CACNA2D3: variants seen among roughly 807,000 people sequenced by gnomAD.
CACNA2D3 encodes the protein voltage-dependent calcium channel subunit alpha-2/delta-3.
A neutral mutation model predicts 160.6 loss-of-function variants in CACNA2D3; 60 were observed. The ratio of observed to expected loss-of-function variants is 0.37; its 90% confidence interval spans 0.30 to 0.46. The LOEUF is 0.46. Ranked by LOEUF, CACNA2D3 falls within the 20% of genes least tolerant of loss-of-function variation. The pLI is 1.00. For synonymous variants in CACNA2D3, 558 were observed against 492.9 expected, an observed-to-expected ratio of 1.13 and a Z score of -1.75; for missense variants, 1,205 against 1,365.0, an observed-to-expected ratio of 0.88 and a Z score of 1.85.
intron 2 of CACNA2D3, among the ~76,000 whole-genome samples, chr3:54,150,938 CGAAT>C (rs2107282595): frequency 7.0e-6 from 1 of 141,966 alleles, no homozygotes; most frequent in Admixed American, 7.0e-5. Flanking sequence ...GGTGGATAGA[CGAAT>C]GAATGGATGT....
At chr3:54,684,035 A>G (rs1451949577) in intron 11 of CACNA2D3, among the ~76,000 whole-genome samples, 2 of 134,448 alleles carry the variant, frequency 1.5e-5, no homozygotes, top group Non-Finnish European at 3.0e-5. Context: ...CACTGGTGCT[A>G]TCTCGGCTCA....
intron 11 of CACNA2D3, among the ~76,000 whole-genome samples, chr3:54,736,066 T>A (rs1701507822): frequency 3.6e-5 from 1 of 27,576 alleles, no homozygotes; most frequent in South Asian, 1.1e-3. Flanking sequence ...TGTATGTATA[T>A]ATATATACAT....
intron 27 of CACNA2D3, among the ~76,000 whole-genome samples, chr3:54,942,738 A>T (rs996797457): frequency 6.6e-6 from 1 of 151,946 alleles, no homozygotes; most frequent in Non-Finnish European, 1.5e-5. Flanking sequence ...AAATAAAAAA[A>T]ATTAGGCCAG....
intron 2 of CACNA2D3, among the ~76,000 whole-genome samples, chr3:54,281,361 C>T (rs989386236): frequency 1.3e-5 from 2 of 152,106 alleles, no homozygotes; most frequent in Non-Finnish European, 2.9e-5. Flanking sequence ...ATCCAGATTG[C>T]CGAAAAACAC....
intron 6 of CACNA2D3, among the ~76,000 whole-genome samples, 180 bp downstream of exon 6, chr3:54,563,111 C>T (rs12186081): frequency 0.063 from 9,639 of 152,112 alleles, 611 homozygotes; most frequent in East Asian, 0.19. Flanking sequence ...CAGATGGGCA[C>T]GCACACACAC....
intron 11 of CACNA2D3, among the ~76,000 whole-genome samples, chr3:54,687,446 G>A (rs1457811370): frequency 2.6e-5 from 4 of 151,568 alleles, no homozygotes; most frequent in Non-Finnish European, 5.9e-5. Context: ...CACCATGCCC[G>A]GGCAAATTTT....
At chr3:54,978,133 C>T (rs1702431431) in intron 29 of CACNA2D3, among the ~76,000 whole-genome samples, 1 of 152,122 alleles carries the variant, frequency 6.6e-6, no homozygotes, top group African/African-American at 2.4e-5. Flanking sequence ...TGTTTATCAG[C>T]AAGATCTTTA....
intron 31 of CACNA2D3, among the ~76,000 whole-genome samples, chr3:54,990,947 T>C (rs13325768): frequency 6.6e-6 from 1 of 152,040 alleles, no homozygotes; most frequent in Non-Finnish European, 1.5e-5. Flanking sequence ...TTGGGCACTT[T>C]AGTTGACTCT....
At chr3:54,157,564 G>T (rs1269928459) in intron 2 of CACNA2D3, among the ~76,000 whole-genome samples, 1 of 152,160 alleles carries the variant, frequency 6.6e-6, no homozygotes, top group African/African-American at 2.4e-5. Context: ...GCCTAGGTGG[G>T]CAGATCCCTG....
chr3:54,785,798 G>A (rs1039229482), intron 13 of CACNA2D3, among the ~76,000 whole-genome samples: 5 of 152,150 alleles, frequency 3.3e-5, no homozygotes, highest in Admixed American at 3.3e-4. Flanking sequence ...CAAACACCAT[G>A]TCACTGGGTT....
At chr3:55,016,001 CA>C (rs1343234733) in intron 34 of CACNA2D3, among the ~76,000 whole-genome samples, 7 of 152,198 alleles carry the variant, frequency 4.6e-5, no homozygotes, top group Non-Finnish European at 7.3e-5. Flanking sequence ...CAGAGGTTCT[CA>C]CATTTTTTGG....
At position 54,939,286 on chromosome 3, in the gene CACNA2D3, T is replaced by C. The variant is rs140376957; in HGVS notation, c.2450-29164T>C. Among the ~76,000 whole-genome samples the C allele has an allele frequency of 4.6e-5, 7 of 152,326 alleles. No individual in the cohort carries two copies. The East Asian group carries it at 9.6e-4, about 21-fold the overall frequency. ...CTTCTACATCTTACTAAAGAGAAAA[T>C]TGAAACTTGATGAGACTGACTCACT... is the stretch of plus-strand genomic sequence containing the variant. On this transcript the variant is annotated intron_variant, in intron 27 of 37. Transcript: ENST00000474759.
intron 27 of CACNA2D3, chr3:54,925,315 A>C (rs1575380227): frequency 1.0e-6 from 1 of 973,212 alleles, no homozygotes; most frequent in East Asian, 2.4e-5. Context: ...CTTTCCAGCC[A>C]GGTGAAACCT....
At chr3:54,885,751 A>C (rs1699910386) in intron 23 of CACNA2D3, among the ~76,000 whole-genome samples, 165 bp downstream of exon 23, 1 of 152,224 alleles carries the variant, frequency 6.6e-6, no homozygotes, top group South Asian at 2.1e-4. Context: ...CAGGAGAAAG[A>C]ATGTGGATTA....
At chr3:54,541,934 G>A (rs1319112910) in intron 5 of CACNA2D3, among the ~76,000 whole-genome samples, 2 of 149,134 alleles carry the variant, frequency 1.3e-5, no homozygotes, top group Non-Finnish European at 3.0e-5. Flanking sequence ...AAGGGTGTGT[G>A]TGGGTTTTTT....
intron 2 of CACNA2D3, among the ~76,000 whole-genome samples, chr3:54,231,486 C>G (rs936473702): frequency 6.6e-6 from 1 of 152,194 alleles, no homozygotes; most frequent in Non-Finnish European, 1.5e-5. Flanking sequence ...GTAAATTCAT[C>G]AGGTACTCTC....
chr3:54,766,008 C>A (rs1702217363), intron 13 of CACNA2D3, among the ~76,000 whole-genome samples: 1 of 152,080 alleles, frequency 6.6e-6, no homozygotes, highest in South Asian at 2.1e-4. Flanking sequence ...GAAACCATTA[C>A]AAGCAGTAGA....
chr3:54,872,439 C>T (rs1301686999), intron 18 of CACNA2D3, among the ~76,000 whole-genome samples: 1 of 152,088 alleles, frequency 6.6e-6, no homozygotes, highest in Non-Finnish European at 1.5e-5. Flanking sequence ...GCCCTACCCT[C>T]CCAGATTCGT....
intron 35 of CACNA2D3, among the ~76,000 whole-genome samples, chr3:55,036,253 C>T (rs1703813745): frequency 6.6e-6 from 1 of 151,938 alleles, no homozygotes; most frequent in Admixed American, 6.6e-5. Context: ...TCGAGACCAG[C>T]CTGGCCAACA....
Sources: gnomAD v4.1 joint callset for allele counts (sites outside exome capture counted in the v4.1 genomes callset) on GRCh38, gnomAD v4.1.1 for gene constraint, MANE v1.5 for transcripts, NCBI Gene and HGNC (gene_info 2026-07-23, HGNC 2026-07-21) for gene names.